The following RANBP2 variants were observed in gnomAD, a reference collection of about 807,000 sequenced individuals.
RANBP2 encodes the protein E3 SUMO-protein ligase RanBP2.
Under a neutral mutation model 303.6 loss-of-function variants are expected in RANBP2, and 57 were observed. The observed-to-expected ratio is 0.19, with a 90% CI of 0.15 to 0.23. The LOEUF (loss-of-function observed/expected upper bound fraction) is 0.23, where lower values mean the gene tolerates loss of function less well. RANBP2 is among the 10% of genes least tolerant of loss of function. The pLI, the probability that RANBP2 is intolerant of heterozygous loss-of-function variation, is 1.00. For missense variants in RANBP2, 3,138 were observed against 3,780.8 expected, an observed-to-expected ratio of 0.83 and a Z score of 4.46; for synonymous variants, 1,167 against 1,301.5, an observed-to-expected ratio of 0.90 and a Z score of 2.23.
the RANBP2 span, among the ~76,000 whole-genome samples, chr2:109,596,936 T>A: frequency 2.6e-5 from 4 of 152,342 alleles, no homozygotes; most frequent in South Asian, 2.1e-4. Flanking sequence ...TTAATTTTTT[T>A]AAAATTTATT....
the RANBP2 span, among the ~76,000 whole-genome samples, chr2:109,598,889 T>A: frequency 2.7e-5 from 4 of 150,890 alleles, no homozygotes; most frequent in Middle Eastern, 6.8e-3. Flanking sequence ...CAAAAAAAAA[T>A]AAAAATAAAA....
At chr2:109,419,448 G>A in the RANBP2 span, 8 of 1,317,886 alleles carry the variant, frequency 6.1e-6, no homozygotes, top group East Asian at 2.5e-5. Context: ...CGAAGCACAG[G>A]CACCTGTGGA....
At chr2:109,393,334 G>T in the RANBP2 span, among the ~76,000 whole-genome samples, 2 of 152,334 alleles carry the variant, frequency 1.3e-5, no homozygotes, top group Admixed American at 1.3e-4. Context: ...TGTTCTAGAA[G>T]CTTGCTACAA....
At chr2:109,306,919 C>A in the RANBP2 span, among the ~76,000 whole-genome samples, 1 of 152,100 alleles carries the variant, frequency 6.6e-6, no homozygotes. Flanking sequence ...CATGCATGCC[C>A]GTGTGGATGG....
chr2:109,686,723 T>G, the RANBP2 span, among the ~76,000 whole-genome samples: 1 of 152,192 alleles, frequency 6.6e-6, no homozygotes, highest in Non-Finnish European at 1.5e-5. Flanking sequence ...GCAATCTTCC[T>G]GTCTCAGCCT....
chr2:109,393,524 C>T, the RANBP2 span, among the ~76,000 whole-genome samples: 1 of 152,156 alleles, frequency 6.6e-6, no homozygotes, highest in Admixed American at 6.5e-5. Context: ...GCCCAGGACA[C>T]AGTAGGTGCT....
chr2:109,350,142 T>C, the RANBP2 span, among the ~76,000 whole-genome samples: 1 of 152,218 alleles, frequency 6.6e-6, no homozygotes, highest in Admixed American at 6.5e-5. Context: ...ACAGTGAAAT[T>C]AGAGCCATCA....
chr2:109,654,367 C>T, the RANBP2 span, among the ~76,000 whole-genome samples: 29 of 151,880 alleles, frequency 1.9e-4, no homozygotes, highest in African/African-American at 6.5e-4. Flanking sequence ...GTTAGGGTCA[C>T]CACGGAAATT....
At chr2:109,739,943 G>A in the RANBP2 span, among the ~76,000 whole-genome samples, 1 of 145,242 alleles carries the variant, frequency 6.9e-6, no homozygotes, top group East Asian at 2.0e-4. Context: ...TTTATTTTAT[G>A]TTACTCTGTT....
At chr2:109,470,398 C>G in the RANBP2 span, among the ~76,000 whole-genome samples, 2 of 152,192 alleles carry the variant, frequency 1.3e-5, no homozygotes, top group African/African-American at 4.8e-5. Flanking sequence ...CCTGGAAGCG[C>G]CTTGTCAATC....
the RANBP2 span, among the ~76,000 whole-genome samples, chr2:108,944,745 G>T: frequency 3.9e-5 from 6 of 152,298 alleles, no homozygotes; most frequent in South Asian, 1.2e-3. Context: ...AGAGGAGGGA[G>T]CTGTGGCACA....
chr2:109,483,041 T>A, the RANBP2 span, among the ~76,000 whole-genome samples: 1 of 152,222 alleles, frequency 6.6e-6, no homozygotes, highest in African/African-American at 2.4e-5. Context: ...TCATTGTAGA[T>A]CTTCTATTCC....
At chr2:109,269,598 C>T in the RANBP2 span, among the ~76,000 whole-genome samples, 10 of 152,084 alleles carry the variant, frequency 6.6e-5, no homozygotes, top group African/African-American at 2.4e-4. Flanking sequence ...CTGGCCAACA[C>T]GGTGAAACCC....
At chr2:108,775,984 T>G in intron 24 of RANBP2, 48 bp downstream of exon 24, 1 of 1,511,114 alleles carries the variant, frequency 6.6e-7, no homozygotes, top group Non-Finnish European at 9.0e-7. Flanking sequence ...GGACACCTTA[T>G]ATTTGAGAAG....
the RANBP2 span, among the ~76,000 whole-genome samples, chr2:109,581,821 C>A: frequency 6.6e-6 from 1 of 152,086 alleles, no homozygotes. Context: ...AAAGTCCTGG[C>A]CAGAGAAGTC....
At chr2:109,072,631 A>G in the RANBP2 span, among the ~76,000 whole-genome samples, 1 of 152,216 alleles carries the variant, frequency 6.6e-6, no homozygotes, top group Non-Finnish European at 1.5e-5. Flanking sequence ...GACAGAGAGC[A>G]AAGCAAAAGT....
chr2:109,512,308 C>T, the RANBP2 span, among the ~76,000 whole-genome samples: 1 of 152,214 alleles, frequency 6.6e-6, no homozygotes, highest in South Asian at 2.1e-4. Flanking sequence ...CTGCTGCTCC[C>T]AGGGTGCCCT....
chr2:108,955,292 C>A, the RANBP2 span, among the ~76,000 whole-genome samples: 1 of 152,072 alleles, frequency 6.6e-6, no homozygotes, highest in African/African-American at 2.4e-5. Context: ...AAAGTATTTA[C>A]AACAGTAAGT....
the RANBP2 span, among the ~76,000 whole-genome samples, chr2:108,832,344 CTTTTTTTT>C: frequency 8.2e-6 from 1 of 122,238 alleles, no homozygotes; most frequent in African/African-American, 3.3e-5. Context: ...GTATTTCTTT[CTTTTTTTT>C]TTTTTTTTTT....
Sources: gnomAD v4.1 joint callset for allele counts (sites outside exome capture counted in the v4.1 genomes callset) on GRCh38, gnomAD v4.1.1 for gene constraint, MANE v1.5 for transcripts, NCBI Gene and HGNC (gene_info 2026-07-23, HGNC 2026-07-21) for gene names.